Variants in UBASH3A observed in about 807,000 individuals in gnomAD.
UBASH3A encodes ubiquitin-associated and SH3 domain-containing protein A.
UBASH3A carries 63 observed loss-of-function variants against 73.5 expected under a neutral mutation model. The ratio of observed to expected loss-of-function variants is 0.86; its 90% confidence interval spans 0.70 to 1.06. The LOEUF (loss-of-function observed/expected upper bound fraction) is 1.06. UBASH3A is among the 50% of genes least tolerant of loss of function. The pLI is 0.00. For synonymous variants in UBASH3A, 363 were observed against 351.1 expected (o/e 1.03, Z -0.38); for missense variants, 860 against 859.0 (o/e 1.00, Z -0.02).
At position 42,418,546 on chromosome 21, in the gene UBASH3A, G is replaced by A. The variant is rs149115903; in HGVS notation, c.983G>A (p.Arg328Gln). The A allele has an allele frequency of 2.6e-5, 42 of 1,614,134 alleles. No individual in the cohort carries two copies. The highest frequency in any genetic ancestry group is 1.2e-4 in the South Asian group (11 of 91,084). Residue 328 changes from arginine (R) to glutamine (Q), a missense_variant, in exon 7 of 15, where the codon CGG (arginine) becomes CAG (glutamine). Physicochemically the swap from Arg to Gln is conservative, Grantham distance 43 (BLOSUM62 1). Transcript: ENST00000319294. ...VIGISQRTGC[R>Q]GFLPENYTDR... ...GGGATCTCACAGCGGACGGGCTGCC[G>A]GGGCTTCCTGCCGGAAAACTACACG...
intron 7 of UBASH3A, among the ~76,000 whole-genome samples, chr21:42,420,862 A>G (rs1397825681): frequency 6.6e-6 from 1 of 152,254 alleles, no homozygotes; most frequent in African/African-American, 2.4e-5. Flanking sequence ...TAGGGGTTCT[A>G]GTCACATTTG....
intron 10 of UBASH3A, 115 bp from the exon 11 acceptor site, chr21:42,437,373 G>T: frequency 2.4e-6 from 2 of 845,818 alleles, no homozygotes; most frequent in South Asian, 3.1e-5. Flanking sequence ...ACACCAGGGG[G>T]TGGAAACCCG....
At chr21:42,421,336 C>T (rs898618812) in intron 7 of UBASH3A, among the ~76,000 whole-genome samples, 14 of 152,296 alleles carry the variant, frequency 9.2e-5, no homozygotes, top group African/African-American at 2.9e-4. Flanking sequence ...TTCTGGGCTT[C>T]CTGGCACCTT....
At chr21:42,419,801 C>A (rs978805783) in intron 7 of UBASH3A, among the ~76,000 whole-genome samples, 4 of 152,214 alleles carry the variant, frequency 2.6e-5, no homozygotes, top group Admixed American at 2.6e-4. Flanking sequence ...TTCTGTGCTA[C>A]ATTTTCAGTA....
chr21:42,407,623 G>A (rs931262506), intron 2 of UBASH3A, among the ~76,000 whole-genome samples: 3 of 152,186 alleles, frequency 2.0e-5, no homozygotes, highest in African/African-American at 7.2e-5. Context: ...AGCAAACAAG[G>A]TAACTCCAAG....
chr21:42,412,890 G>A (rs1188686139), intron 3 of UBASH3A, 134 bp from the exon 4 acceptor site: 32 of 786,304 alleles, frequency 4.1e-5, no homozygotes, highest in Admixed American at 1.1e-4. Context: ...ACAAAGGGAC[G>A]CAATAAATTA....
chr21:42,404,898 G>A (rs980005492), intron 1 of UBASH3A, among the ~76,000 whole-genome samples: 4 of 152,198 alleles, frequency 2.6e-5, no homozygotes, highest in Non-Finnish European at 4.4e-5. Context: ...GGGAGGCCAC[G>A]ACACCAACAT....
intron 8 of UBASH3A, among the ~76,000 whole-genome samples, chr21:42,427,235 C>T (rs78992177): frequency 0.032 from 4,931 of 152,284 alleles, 93 homozygotes; most frequent in Non-Finnish European, 0.04. Flanking sequence ...CAGGGCACCC[C>T]GAGCTGGCCA....
chr21:42,404,882 C>T (rs532701412), intron 1 of UBASH3A, among the ~76,000 whole-genome samples: 18 of 152,304 alleles, frequency 1.2e-4, no homozygotes, highest in South Asian at 8.3e-4. Flanking sequence ...TTACCACTCT[C>T]GGAGAGGGAG....
intron 9 of UBASH3A, among the ~76,000 whole-genome samples, chr21:42,432,549 T>C (rs148982630): frequency 1.2e-3 from 177 of 152,298 alleles, no homozygotes; most frequent in Admixed American, 3.7e-3. Context: ...TAAATACACA[T>C]ACCCACAAGC....
chr21:42,443,842 T>C (rs1363666738), intron 13 of UBASH3A, among the ~76,000 whole-genome samples: 1 of 151,702 alleles, frequency 6.6e-6, no homozygotes, highest in Non-Finnish European at 1.5e-5. Context: ...GAACCCCCCA[T>C]CCTGGGACTG....
At position 42,416,464 on chromosome 21, in the gene UBASH3A, C is replaced by T. The variant is rs1294959819; in HGVS notation, c.690C>T (p.Thr230=). 4 of 1,596,462 alleles carry T rather than the reference C, an allele frequency of 2.5e-6. No individual in the cohort carries two copies. The highest frequency in any genetic ancestry group is 1.7e-4 in the Middle Eastern group (1 of 6,020). Residue 230 remains threonine, a synonymous_variant, in exon 6 of 15, where the codon ACC becomes ACT. Coordinates refer to ENST00000319294, the MANE Select transcript of UBASH3A (RefSeq NM_018961.4). ...CAGACTGCTCCGTGAAGCCTTGCACCAAACAGCTGCATCTGACCTTGGCCC... is the reference window on the plus strand; with the variant it reads ...CAGACTGCTCCGTGAAGCCTTGCACTAAACAGCTGCATCTGACCTTGGCCC... ...LQKYCSVKPC[T]KQLHLTLAHK...
At position 42,413,222 on chromosome 21, in the gene UBASH3A, G is replaced by A; in HGVS notation, c.553G>A (p.Gly185Ser). Reference sequence around the variant, plus strand: ...CGCCACGGAAGCATCTCTCTTAGCAGGTGGGCAGCCCTGGCCAGTTGCAAA... The same window carrying A: ...CGCCACGGAAGCATCTCTCTTAGCAAGTGGGCAGCCCTGGCCAGTTGCAAA... ...TFATEASLLA[G>S]TSVSRFWIFS... Residue 185 changes from glycine to serine, a missense_variant and splice_region_variant, in exon 4 of 15, where the codon GGC becomes AGC. By Grantham distance (56) the Gly-to-Ser change is moderately conservative. Transcript: ENST00000319294. The surrounding 1 kb of genome is among the most constrained non-coding windows in gnomAD (Gnocchi z 4.5). 3.7e-6 allele frequency: 6 copies of A among 1,614,180 alleles called. No individual in the cohort carries two copies. The highest frequency in any genetic ancestry group is 5.1e-6 in the Non-Finnish European group (6 of 1,180,032).
chr21:42,403,916 G>A lies in UBASH3A; in HGVS notation c.-30G>A. 1.4e-6 allele frequency: 2 copies of A among 1,393,702 alleles called. No individual in the cohort carries two copies. The highest frequency in any genetic ancestry group is 1.5e-5 in the South Asian group (1 of 67,610). 86.3% of individuals were successfully genotyped at this position (1,393,702 alleles called of 1,614,324 possible). ...TTTATCTCCTCATTTCTGTGTGCAG[G>A]CGAGCTTCTTGGCCTAAGGGCAGGA... On this transcript the variant is annotated 5_prime_UTR_variant, in exon 1 of 15. Coordinates refer to ENST00000319294, the MANE Select transcript of UBASH3A (RefSeq NM_018961.4).
At chr21:42,426,889 T>C in intron 8 of UBASH3A, 69 bp downstream of exon 8, 1 of 1,561,002 alleles carries the variant, frequency 6.4e-7, no homozygotes, top group East Asian at 2.3e-5. Flanking sequence ...AACTTCACGG[T>C]GGACACAGCT....
chr21:42,445,238 A>T (rs886997675), intron 14 of UBASH3A, among the ~76,000 whole-genome samples: 10 of 152,182 alleles, frequency 6.6e-5, no homozygotes, highest in African/African-American at 2.2e-4. Context: ...AGGCAGGCAA[A>T]CTCAGGAGTG....
intron 3 of UBASH3A, among the ~76,000 whole-genome samples, chr21:42,412,223 G>C (rs1036660950): frequency 3.9e-5 from 6 of 152,216 alleles, no homozygotes; most frequent in Non-Finnish European, 8.8e-5. Context: ...GAGGATGGGG[G>C]TGGGAGCCCC....
intron 11 of UBASH3A, among the ~76,000 whole-genome samples, chr21:42,438,939 G>A (rs989582398): frequency 2.0e-5 from 3 of 151,998 alleles, no homozygotes; most frequent in Non-Finnish European, 4.4e-5. Flanking sequence ...CTTGCACATG[G>A]GGCCACATCA....
intron 14 of UBASH3A, among the ~76,000 whole-genome samples, chr21:42,446,337 AG>A (rs1409255198): frequency 1.3e-5 from 2 of 152,220 alleles, no homozygotes; most frequent in African/African-American, 4.8e-5. Context: ...GCAGCTGGAA[AG>A]GGAGCACTCA....
Sources: allele counts gnomAD v4.1 joint callset (sites outside exome capture counted in the v4.1 genomes callset), GRCh38; gene constraint gnomAD v4.1.1; non-coding constraint Gnocchi (gnomAD v3.1); transcripts MANE v1.5; gene names NCBI Gene and HGNC (gene_info 2026-07-23, HGNC 2026-07-21).